The following USH2A variants were observed in gnomAD, a reference collection of about 807,000 sequenced individuals.
USH2A encodes the protein usherin.
USH2A carries 443 observed loss-of-function variants against 538.9 expected under a neutral mutation model. The observed-to-expected ratio is 0.82, with a 90% confidence interval of 0.76 to 0.89. The LOEUF (loss-of-function observed/expected upper bound fraction) is 0.89. USH2A is among the 40% of genes least tolerant of loss of function. USH2A has a pLI of 0.00. For missense variants in USH2A, 6,633 were observed against 6,324.8 expected (o/e 1.05, Z -1.65); for synonymous variants, 2,413 against 2,273.5 (o/e 1.06, Z -1.75).
intron 4 of USH2A, among the ~76,000 whole-genome samples, chr1:216,333,510 C>T (rs2037909540): frequency 6.6e-6 from 1 of 151,948 alleles, no homozygotes; most frequent in African/African-American, 2.4e-5. Flanking sequence ...ATGGGAGTTT[C>T]AGAGAAGAGG....
At chr1:216,087,074 A>C (rs1192467346) in intron 23 of USH2A, among the ~76,000 whole-genome samples, 1 of 152,140 alleles carries the variant, frequency 6.6e-6, no homozygotes, top group Non-Finnish European at 1.5e-5. Flanking sequence ...AGTACTCTAG[A>C]GGGATGAATA....
intron 38 of USH2A, among the ~76,000 whole-genome samples, chr1:215,930,542 TC>T (rs919029538): frequency 9.0e-4 from 137 of 152,222 alleles, no homozygotes; most frequent in African/African-American, 3.3e-3. Flanking sequence ...CATTTGTTCT[TC>T]TTTTGCTTAT....
chr1:215,809,227 C>T (rs1032650765), intron 49 of USH2A, among the ~76,000 whole-genome samples: 1 of 152,130 alleles, frequency 6.6e-6, no homozygotes. Context: ...CTATGGTAAA[C>T]TTTAAGATAA....
chr1:216,294,579 T>C (rs1323289599), intron 9 of USH2A, among the ~76,000 whole-genome samples: 1 of 151,816 alleles, frequency 6.6e-6, no homozygotes, highest in Non-Finnish European at 1.5e-5. Context: ...TATATCTAAG[T>C]ATTACCTTAA....
intron 61 of USH2A, among the ~76,000 whole-genome samples, chr1:215,718,196 A>C (rs1659539795): frequency 6.6e-6 from 1 of 152,170 alleles, no homozygotes; most frequent in African/African-American, 2.4e-5. Context: ...AACCCATCAC[A>C]TATGTATTCA....
At chr1:216,079,825 A>G (rs1037690435) in intron 26 of USH2A, 2 of 152,188 alleles carry the variant, frequency 1.3e-5, no homozygotes, top group Non-Finnish European at 2.9e-5. Context: ...AATAAGGATA[A>G]TGATGATGCT....
intron 21 of USH2A, among the ~76,000 whole-genome samples, chr1:216,166,804 A>G (rs958926988): frequency 7.9e-5 from 12 of 152,108 alleles, no homozygotes; most frequent in African/African-American, 2.9e-4. Flanking sequence ...ATCTACATTG[A>G]TTTTTAATTT....
intron 62 of USH2A, among the ~76,000 whole-genome samples, chr1:215,677,590 T>C (rs1162768162): frequency 6.6e-6 from 1 of 152,194 alleles, no homozygotes; most frequent in East Asian, 1.9e-4. Context: ...TCGGGGTGGC[T>C]TCTCTGCCTT....
chr1:215,747,936 C>T (rs1660522759), intron 58 of USH2A, among the ~76,000 whole-genome samples: 1 of 149,772 alleles, frequency 6.7e-6, no homozygotes, highest in Admixed American at 6.7e-5. Flanking sequence ...CCAGGCCGGA[C>T]TGCGGACTGC....
At chr1:216,391,581 T>G (rs1293463444) in intron 3 of USH2A, among the ~76,000 whole-genome samples, 1 of 152,158 alleles carries the variant, frequency 6.6e-6, no homozygotes, top group Non-Finnish European at 1.5e-5. Context: ...TATTTTTTCT[T>G]CCATTTGAGA....
intron 3 of USH2A, among the ~76,000 whole-genome samples, chr1:216,405,706 T>A (rs1453575901): frequency 6.6e-6 from 1 of 152,184 alleles, no homozygotes. Flanking sequence ...GAAACGAATA[T>A]GTATGTTAAC....
At chr1:216,138,927 TG>T (rs2033542427) in intron 21 of USH2A, among the ~76,000 whole-genome samples, 2 of 150,748 alleles carry the variant, frequency 1.3e-5, no homozygotes, top group African/African-American at 2.5e-5. Context: ...AATGTGTGTG[TG>T]TGTGTGTGTG....
intron 14 of USH2A, among the ~76,000 whole-genome samples, chr1:216,224,095 G>A (rs1350143315): frequency 6.6e-6 from 1 of 152,094 alleles, no homozygotes; most frequent in Non-Finnish European, 1.5e-5. Context: ...AACTCCTTAA[G>A]GCTTAAAACA....
At chr1:216,410,686 G>T (rs2039473688) in intron 3 of USH2A, among the ~76,000 whole-genome samples, 1 of 152,070 alleles carries the variant, frequency 6.6e-6, no homozygotes, top group Non-Finnish European at 1.5e-5. Flanking sequence ...TCCAAAATCT[G>T]ATTCTCTTCC....
At chr1:216,373,415 T>A (rs1347462860) in intron 3 of USH2A, among the ~76,000 whole-genome samples, 1 of 152,180 alleles carries the variant, frequency 6.6e-6, no homozygotes, top group African/African-American at 2.4e-5. Context: ...CTGTCCATTT[T>A]CTCTTTTCCC....
intron 13 of USH2A, among the ~76,000 whole-genome samples, chr1:216,240,521 TAAAA>T (rs1376457504): frequency 7.5e-6 from 1 of 133,470 alleles, no homozygotes; most frequent in African/African-American, 2.8e-5. Flanking sequence ...TCCAGGTCGT[TAAAA>T]AAAAAAAAAA....
At chr1:215,850,001 T>C (rs562928591) in intron 44 of USH2A, among the ~76,000 whole-genome samples, 1 of 152,134 alleles carries the variant, frequency 6.6e-6, no homozygotes, top group South Asian at 2.1e-4. Flanking sequence ...TTAAGTTTCA[T>C]GATAAAACTA....
At chr1:216,376,971 G>A (rs933898525) in intron 3 of USH2A, among the ~76,000 whole-genome samples, 49 of 152,174 alleles carry the variant, frequency 3.2e-4, no homozygotes, top group African/African-American at 1.1e-3. Flanking sequence ...AATAAATAAT[G>A]TATTAATTTT....
At chr1:215,658,041 C>T (rs978784721) in intron 64 of USH2A, among the ~76,000 whole-genome samples, 4 of 149,598 alleles carry the variant, frequency 2.7e-5, no homozygotes, top group African/African-American at 9.9e-5. Flanking sequence ...TCACACTATT[C>T]TCCTGCCTCA....
Sources: allele counts gnomAD v4.1 joint callset (sites outside exome capture counted in the v4.1 genomes callset), GRCh38; gene constraint gnomAD v4.1.1; transcripts MANE v1.5; gene names NCBI Gene and HGNC (gene_info 2026-07-23, HGNC 2026-07-21).